Variants in MSRA observed in about 807,000 individuals in gnomAD.
MSRA encodes the protein mitochondrial peptide methionine sulfoxide reductase.
In MSRA, 54 loss-of-function variants were observed where a neutral mutation model predicts 31.3. That is an observed-to-expected ratio of 1.73 (90% CI 1.39 to 2.17). The LOEUF (loss-of-function observed/expected upper bound fraction) is 2.17, where lower values mean the gene tolerates loss of function less well. Among genes scored for constraint, MSRA ranks in the 30% most tolerant of loss-of-function variants. The pLI is 0.00. For missense variants in MSRA, 507 were observed against 300.9 expected (o/e 1.69, Z -5.07); for synonymous variants, 169 against 116.5 (o/e 1.45, Z -2.90).
At chr8:10,055,041 T>C (rs1802258648) in intron 1 of MSRA, among the ~76,000 whole-genome samples, 1 of 152,136 alleles carries the variant, frequency 6.6e-6, no homozygotes, top group Non-Finnish European at 1.5e-5. Context: ...TTGTCTCCTC[T>C]GCGCCGGCCG....
intron 1 of MSRA, among the ~76,000 whole-genome samples, chr8:10,132,322 T>G (rs1041482373): frequency 6.6e-5 from 10 of 152,352 alleles, no homozygotes; most frequent in African/African-American, 2.4e-4. Context: ...CTCTGTTCTT[T>G]TTGTCACTGA....
chr8:10,300,101 G>T (rs1193625827), intron 3 of MSRA, among the ~76,000 whole-genome samples: 1 of 149,772 alleles, frequency 6.7e-6, no homozygotes, highest in African/African-American at 2.5e-5. Context: ...AAAGCATGCT[G>T]TAATGAATGC....
chr8:10,136,410 G>C (rs1239340362), intron 1 of MSRA, among the ~76,000 whole-genome samples: 1 of 152,182 alleles, frequency 6.6e-6, no homozygotes. Context: ...AGCAAGCTCT[G>C]AGCTCCTTGG....
At chr8:10,401,104 T>TG (rs1554551780) in intron 5 of MSRA, among the ~76,000 whole-genome samples, 1 of 150,262 alleles carries the variant, frequency 6.7e-6, no homozygotes, top group South Asian at 2.1e-4. Context: ...ATCAAGAATA[T>TG]AAAAAAAAAC....
At chr8:10,076,150 G>A (rs1225729857) in intron 1 of MSRA, among the ~76,000 whole-genome samples, 3 of 152,284 alleles carry the variant, frequency 2.0e-5, no homozygotes, top group East Asian at 1.9e-4. Context: ...ACAGACAGTC[G>A]CTATTTCTGG....
intron 5 of MSRA, among the ~76,000 whole-genome samples, chr8:10,358,806 A>G (rs1236087469): frequency 6.8e-6 from 1 of 147,818 alleles, no homozygotes; most frequent in South Asian, 2.1e-4. Flanking sequence ...TTTAGCCGGG[A>G]TGGTCTCGAT....
chr8:10,109,626 G>A (rs145880964), intron 1 of MSRA, among the ~76,000 whole-genome samples: 42 of 152,264 alleles, frequency 2.8e-4, no homozygotes, highest in African/African-American at 7.9e-4. Context: ...ATAGGTGTAC[G>A]CCACTGTGCC....
chr8:10,347,315 C>T (rs940828251), intron 5 of MSRA, among the ~76,000 whole-genome samples: 1 of 152,186 alleles, frequency 6.6e-6, no homozygotes, highest in African/African-American at 2.4e-5. Context: ...TGCATTTCTC[C>T]CTGCCTTACG....
At chr8:10,141,213 C>G (rs765981697) in intron 1 of MSRA, among the ~76,000 whole-genome samples, 9 of 152,200 alleles carry the variant, frequency 5.9e-5, no homozygotes, top group Non-Finnish European at 1.5e-5. Context: ...AGTGCTTACC[C>G]TGTGCCAGGC....
At chr8:10,135,994 C>T (rs746349812) in intron 1 of MSRA, among the ~76,000 whole-genome samples, 1 of 152,092 alleles carries the variant, frequency 6.6e-6, no homozygotes, top group Non-Finnish European at 1.5e-5. Context: ...GAAGTAGGCC[C>T]CATGAGGTGA....
intron 3 of MSRA, among the ~76,000 whole-genome samples, chr8:10,246,568 G>A (rs1797633130): frequency 6.6e-6 from 1 of 152,314 alleles, no homozygotes; most frequent in Admixed American, 6.5e-5. Flanking sequence ...TGTGGAGGAT[G>A]CGCTCAGCCC....
intron 3 of MSRA, among the ~76,000 whole-genome samples, chr8:10,288,277 T>C (rs767185194): frequency 4.6e-5 from 7 of 152,198 alleles, no homozygotes; most frequent in Non-Finnish European, 1.0e-4. Flanking sequence ...ATATACTATA[T>C]ACCACTAGTT....
chr8:10,167,775 C>T (rs899746827), intron 1 of MSRA, among the ~76,000 whole-genome samples: 3 of 152,084 alleles, frequency 2.0e-5, no homozygotes, highest in African/African-American at 7.2e-5. Context: ...GAATGCTGAT[C>T]CACTTTCTCT....
At chr8:10,064,270 TCAC>T (rs1182845338) in intron 1 of MSRA, among the ~76,000 whole-genome samples, 1 of 152,328 alleles carries the variant, frequency 6.6e-6, no homozygotes, top group East Asian at 1.9e-4. Flanking sequence ...GATTTTTCCT[TCAC>T]CAGAGACCTG....
chr8:10,369,129 G>A (rs1805333995), intron 5 of MSRA, among the ~76,000 whole-genome samples: 1 of 152,140 alleles, frequency 6.6e-6, no homozygotes, highest in Non-Finnish European at 1.5e-5. Context: ...GTATTAAGTA[G>A]TGACTGAGTA....
chr8:10,182,518 C>T (rs1481323359), intron 1 of MSRA, among the ~76,000 whole-genome samples: 2 of 152,160 alleles, frequency 1.3e-5, no homozygotes, highest in South Asian at 2.1e-4. Flanking sequence ...GATCTGCTTC[C>T]AGGCTCACTT....
chr8:10,159,804 A>G (rs1159812768), intron 1 of MSRA, among the ~76,000 whole-genome samples: 1 of 152,212 alleles, frequency 6.6e-6, no homozygotes, highest in East Asian at 1.9e-4. Flanking sequence ...GAAGAGGTAC[A>G]GTGATAGAAA....
In MSRA at chr8:10,154,250, ATACT is replaced by A. The variant is rs539351452; in HGVS notation, c.143-53579_143-53576del. On this transcript the variant is annotated intron_variant, in intron 1 of 5. Transcript: ENST00000317173. ...CCTTGCGGAAGAGTAGCCATCAAAA[ATACT>A]TACAGTTCTTACCAAGGTTACGGCA... Among the ~76,000 whole-genome samples, 5 of 151,658 alleles carry A rather than the reference ATACT, an allele frequency of 3.3e-5. No individual in the cohort carries two copies. The South Asian group carries it at 1.0e-3, about 32-fold the overall frequency.
chr8:10,325,976 T>C (rs1308627946), intron 5 of MSRA, among the ~76,000 whole-genome samples: 1 of 152,238 alleles, frequency 6.6e-6, no homozygotes, highest in East Asian at 1.9e-4. Flanking sequence ...TAGTTTGATT[T>C]CTAAAAGTGG....
Sources: gnomAD v4.1 joint callset for allele counts (sites outside exome capture counted in the v4.1 genomes callset) on GRCh38, gnomAD v4.1.1 for gene constraint, MANE v1.5 for transcripts, NCBI Gene and HGNC (gene_info 2026-07-23, HGNC 2026-07-21) for gene names.